The following MCUB variants were observed in gnomAD, a reference collection of about 807,000 sequenced individuals.
MCUB encodes the protein calcium uniporter regulatory subunit MCUb, mitochondrial.
Under a neutral mutation model 41.4 loss-of-function variants are expected in MCUB, and 46 were observed. The observed-to-expected ratio is 1.11, with a 90% CI of 0.88 to 1.42. The LOEUF is 1.42. MCUB is among the 40% of genes most tolerant of loss of function. The pLI, the probability that MCUB is intolerant of heterozygous loss-of-function variation, is 0.00. For missense variants in MCUB, 403 were observed against 404.9 expected, an observed-to-expected ratio of 1.00 and a Z score of 0.04; for synonymous variants, 148 against 148.2, an observed-to-expected ratio of 1.00 and a Z score of 0.01.
intron 1 of MCUB, among the ~76,000 whole-genome samples, chr4:109,655,666 C>T (rs1170754073): frequency 1.3e-5 from 2 of 152,116 alleles, no homozygotes; most frequent in South Asian, 2.1e-4. Flanking sequence ...AAGGCAGTAA[C>T]GCTTGACCAG....
At chr4:109,587,274 G>T (rs1033167867) in intron 1 of MCUB, among the ~76,000 whole-genome samples, 1 of 152,262 alleles carries the variant, frequency 6.6e-6, no homozygotes, top group African/African-American at 2.4e-5. Context: ...CCAGGCACAG[G>T]ATATAATCTC....
At chr4:109,656,344 T>G (rs550602689) in intron 1 of MCUB, among the ~76,000 whole-genome samples, 97 of 143,358 alleles carry the variant, frequency 6.8e-4, no homozygotes, top group Non-Finnish European at 1.3e-3. Flanking sequence ...GCTCTAACTT[T>G]TACTCTCTAC....
At chr4:109,562,149 T>G (rs974694968) in intron 1 of MCUB, among the ~76,000 whole-genome samples, 2 of 152,160 alleles carry the variant, frequency 1.3e-5, no homozygotes, top group Non-Finnish European at 2.9e-5. Context: ...GCAAATCCTT[T>G]TCTCCATATT....
chr4:109,625,178 T>C (rs967458416), intron 1 of MCUB, among the ~76,000 whole-genome samples: 1 of 152,002 alleles, frequency 6.6e-6, no homozygotes. Flanking sequence ...TTAAAAAAAC[T>C]TGATGTCTTC....
chr4:109,684,919 CTG>C (rs1729803266), intron 6 of MCUB: 4 of 372,480 alleles, frequency 1.1e-5, no homozygotes, highest in Non-Finnish European at 1.9e-5. Flanking sequence ...ATAAAAAAAA[CTG>C]AATTTGCATT....
intron 1 of MCUB, among the ~76,000 whole-genome samples, chr4:109,583,923 G>A (rs796326776): frequency 3.9e-5 from 6 of 152,196 alleles, no homozygotes; most frequent in East Asian, 1.9e-4. Flanking sequence ...CAACTTGATC[G>A]TGGTGGATAA....
At chr4:109,586,659 A>C (rs561837602) in intron 1 of MCUB, among the ~76,000 whole-genome samples, 1 of 152,108 alleles carries the variant, frequency 6.6e-6, no homozygotes, top group African/African-American at 2.4e-5. Context: ...CTTTTTGTTG[A>C]TGTTGATGCT....
intron 1 of MCUB, among the ~76,000 whole-genome samples, chr4:109,625,802 T>G (rs1362087593): frequency 6.6e-6 from 1 of 152,134 alleles, no homozygotes; most frequent in Non-Finnish European, 1.5e-5. Flanking sequence ...GGATACAGGG[T>G]GAGGTACAGT....
chr4:109,585,877 A>AT, intron 1 of MCUB, among the ~76,000 whole-genome samples: 1 of 151,780 alleles, frequency 6.6e-6, no homozygotes, highest in Non-Finnish European at 1.5e-5. Context: ...TGCCCTTAAC[A>AT]TTTTTTCTTT....
chr4:109,639,175 T>C (rs773209997), intron 1 of MCUB, among the ~76,000 whole-genome samples: 13 of 152,324 alleles, frequency 8.5e-5, no homozygotes, highest in Non-Finnish European at 1.3e-4. Context: ...ATGGCAGTTA[T>C]AGCCTTACAA....
chr4:109,622,641 C>G (rs1728271586), intron 1 of MCUB, among the ~76,000 whole-genome samples: 1 of 152,188 alleles, frequency 6.6e-6, no homozygotes, highest in Non-Finnish European at 1.5e-5. Context: ...AAAATCTGCT[C>G]TAATCACTTC....
At chr4:109,580,451 C>G (rs912896367) in intron 1 of MCUB, among the ~76,000 whole-genome samples, 31 of 152,220 alleles carry the variant, frequency 2.0e-4, no homozygotes, top group African/African-American at 7.2e-4. Flanking sequence ...TGAGGATTTG[C>G]CACACTGTCT....
intron 1 of MCUB, among the ~76,000 whole-genome samples, chr4:109,641,123 A>G (rs577994263): frequency 7.1e-6 from 1 of 141,596 alleles, no homozygotes; most frequent in South Asian, 2.1e-4. Context: ...TTTTTTGTTT[A>G]GAGGAGTCTC....
chr4:109,683,541 A>G (rs753080194), intron 5 of MCUB, among the ~76,000 whole-genome samples: 8 of 152,192 alleles, frequency 5.3e-5, no homozygotes, highest in Admixed American at 6.5e-5. Context: ...TATTCTCCAC[A>G]CTTATGAATC....
At chr4:109,665,594 A>G (rs1001804117) in intron 4 of MCUB, among the ~76,000 whole-genome samples, 2 of 152,202 alleles carry the variant, frequency 1.3e-5, no homozygotes, top group Non-Finnish European at 2.9e-5. Context: ...AAATCTCTAG[A>G]TTACTTACAA....
At chr4:109,577,261 T>C (rs890156041) in intron 1 of MCUB, among the ~76,000 whole-genome samples, 1 of 152,244 alleles carries the variant, frequency 6.6e-6, no homozygotes, top group African/African-American at 2.4e-5. Context: ...TATTCAATCA[T>C]TTTTAATGAC....
intron 1 of MCUB, among the ~76,000 whole-genome samples, chr4:109,605,978 G>T (rs185245409): frequency 0.026 from 3,902 of 151,660 alleles, 130 homozygotes; most frequent in South Asian, 0.075. Context: ...TTGTTTGTTT[G>T]TTTGTTTGTT....
intron 1 of MCUB, among the ~76,000 whole-genome samples, chr4:109,613,897 A>G (rs1408005219): frequency 6.6e-6 from 1 of 152,204 alleles, no homozygotes; most frequent in African/African-American, 2.4e-5. Flanking sequence ...CTGTGGTATA[A>G]TATCACAACC....
intron 4 of MCUB, among the ~76,000 whole-genome samples, chr4:109,677,424 G>A (rs185223995): frequency 6.6e-6 from 1 of 152,314 alleles, no homozygotes; most frequent in East Asian, 1.9e-4. Context: ...TTGGGATGGA[G>A]TGAATGTATT....
Sources: gnomAD v4.1 joint callset for allele counts (sites outside exome capture counted in the v4.1 genomes callset) on GRCh38, gnomAD v4.1.1 for gene constraint, MANE v1.5 for transcripts, NCBI Gene and HGNC (gene_info 2026-07-23, HGNC 2026-07-21) for gene names.